The following PTPRQ variants were observed in gnomAD, a reference collection of about 807,000 sequenced individuals.
PTPRQ encodes the protein phosphatidylinositol phosphatase PTPRQ.
A neutral mutation model predicts 246.0 loss-of-function variants in PTPRQ; 199 were observed. The observed-to-expected ratio is 0.81, with a 90% confidence interval of 0.72 to 0.91. The LOEUF (loss-of-function observed/expected upper bound fraction) is 0.91. Ranked by LOEUF, PTPRQ falls within the 40% of genes least tolerant of loss-of-function variation. The probability of loss-of-function intolerance (pLI) is 0.00; values close to 1 mark genes in which losing one functional copy is unlikely to be tolerated. For missense variants in PTPRQ, 2,624 were observed against 2,528.4 expected (o/e 1.04, Z -0.81); for synonymous variants, 869 against 853.2 (o/e 1.02, Z -0.32).
chr12:80,479,872 G>C (rs61950945), intron 8 of PTPRQ, among the ~76,000 whole-genome samples: 1 of 151,964 alleles, frequency 6.6e-6, no homozygotes, highest in African/African-American at 2.4e-5. Flanking sequence ...GATTCATAAA[G>C]CAAGTCCTGA....
chr12:80,533,761 G>C (rs1895909819), intron 17 of PTPRQ, among the ~76,000 whole-genome samples: 1 of 151,960 alleles, frequency 6.6e-6, no homozygotes, highest in Non-Finnish European at 1.5e-5. Flanking sequence ...ATTGGTCCAA[G>C]CAAACTCTAA....
intron 43 of PTPRQ, 117 bp from the exon 44 acceptor site, chr12:80,678,485 T>G: frequency 8.0e-7 from 1 of 1,245,476 alleles, no homozygotes; most frequent in Non-Finnish European, 1.0e-6. Context: ...ATTCTGTGTC[T>G]GTAACTTAGC....
Position 80,652,816 on chromosome 12 carries a change from T to C in PTPRQ, c.6097T>C (p.Phe2033Leu), listed in dbSNP as rs1473833817. The change falls in exon 38 of 45, where the codon TTC (phenylalanine) becomes CTC (leucine). Residue 2033 changes from phenylalanine to leucine, a missense_variant. Coordinates refer to ENST00000644991, the MANE Select transcript of PTPRQ (RefSeq NM_001145026.2). ...DLPWNRAKNR[F>L]PNIKPYNNNR... ...GCCTTGGAATAGAGCAAAAAACCGC[T>C]TCCCAAACATAAAACCATGTATGTG... 2 of 1,506,838 alleles carry C rather than the reference T, an allele frequency of 1.3e-6. No individual in the cohort carries two copies. The highest frequency in any genetic ancestry group is 2.2e-5 in the Admixed American group (1 of 45,054). The allele number at this position is 1,506,838 out of a possible 1,614,324, so 93.3% of individuals were successfully genotyped here. A position where few individuals can be genotyped will look rare whatever the true frequency, so the allele number is the denominator to read the frequency against.
At position 80,627,766 on chromosome 12, in the gene PTPRQ, G is replaced by A. The variant is rs142730577; in HGVS notation, c.5687-4426G>A. Among the ~76,000 whole-genome samples, 8 of 152,148 alleles carry A rather than the reference G, an allele frequency of 5.3e-5. No individual in the cohort carries two copies. In the East Asian group the frequency reaches 1.5e-3, roughly 29 times the overall value. Reference sequence around the variant, plus strand: ...TTGCACCTACTACAAAAAGAAACATGTTTATATTTTTAAGTAAAAGAATTC... The same window carrying A: ...TTGCACCTACTACAAAAAGAAACATATTTATATTTTTAAGTAAAAGAATTC... On this transcript the variant is annotated intron_variant, in intron 33 of 44. Coordinates refer to ENST00000644991, the MANE Select transcript of PTPRQ (RefSeq NM_001145026.2).
intron 33 of PTPRQ, among the ~76,000 whole-genome samples, chr12:80,628,332 T>C (rs1899283159): frequency 6.6e-6 from 1 of 152,144 alleles, no homozygotes; most frequent in South Asian, 2.1e-4. Context: ...AAATCCACCA[T>C]GCAGGATAGC....
intron 25 of PTPRQ, among the ~76,000 whole-genome samples, chr12:80,557,971 G>C (rs1016349744): frequency 6.6e-6 from 1 of 151,846 alleles, no homozygotes; most frequent in African/African-American, 2.4e-5. Context: ...TATAAAGTAT[G>C]TAACCTTTTT....
chr12:80,505,416 T>A (rs1476136897), intron 14 of PTPRQ, among the ~76,000 whole-genome samples: 1 of 151,964 alleles, frequency 6.6e-6, no homozygotes, highest in Non-Finnish European at 1.5e-5. Context: ...TCCAATATTT[T>A]ACCGGAATTA....
chr12:80,587,175 T>A (rs2121014349), intron 25 of PTPRQ, among the ~76,000 whole-genome samples: 1 of 152,320 alleles, frequency 6.6e-6, no homozygotes, highest in East Asian at 1.9e-4. Context: ...CTCTTAGATA[T>A]TTATTGAATG....
At chr12:80,660,248 C>A (rs1900584122) in intron 39 of PTPRQ, among the ~76,000 whole-genome samples, 2 of 151,916 alleles carry the variant, frequency 1.3e-5, no homozygotes, top group Admixed American at 6.6e-5. Flanking sequence ...ACATGAAAAA[C>A]TGAAGTCTGG....
intron 26 of PTPRQ, among the ~76,000 whole-genome samples, chr12:80,596,638 G>A (rs1230848965): frequency 6.6e-6 from 1 of 152,006 alleles, no homozygotes; most frequent in Non-Finnish European, 1.5e-5. Context: ...AACAAGAAGT[G>A]TAAAGTAGGT....
At chr12:80,519,420 A>T (rs936199964) in intron 17 of PTPRQ, among the ~76,000 whole-genome samples, 1 of 152,178 alleles carries the variant, frequency 6.6e-6, no homozygotes, top group African/African-American at 2.4e-5. Flanking sequence ...TAAAAATCTC[A>T]CAATCTAAAA....
intron 29 of PTPRQ, 71 bp downstream of exon 29, chr12:80,613,907 T>C: frequency 7.1e-7 from 1 of 1,415,222 alleles, no homozygotes; most frequent in Non-Finnish European, 9.2e-7. Context: ...TTTAAAAATA[T>C]TGCAGTTTGT....
intron 9 of PTPRQ, among the ~76,000 whole-genome samples, chr12:80,490,770 T>C (rs1894422914): frequency 6.6e-6 from 1 of 151,914 alleles, no homozygotes; most frequent in Non-Finnish European, 1.5e-5. Context: ...CAATGGACTT[T>C]TTTCCCTCCT....
chr12:80,628,924 A>C (rs925723871), intron 33 of PTPRQ, among the ~76,000 whole-genome samples: 2 of 152,118 alleles, frequency 1.3e-5, no homozygotes, highest in Non-Finnish European at 2.9e-5. Flanking sequence ...CTGCCATCAC[A>C]AAATATCATA....
intron 17 of PTPRQ, 88 bp downstream of exon 17, chr12:80,510,531 G>T: frequency 7.8e-7 from 1 of 1,281,042 alleles, no homozygotes; most frequent in Non-Finnish European, 1.0e-6. Context: ...TCAGAATGTG[G>T]TGCTACATTA....
intron 2 of PTPRQ, 132 bp from the exon 3 acceptor site, chr12:80,445,359 C>A (rs575949786): frequency 2.2e-4 from 129 of 595,748 alleles, no homozygotes; most frequent in African/African-American, 2.0e-3. Context: ...AGTAACAGAG[C>A]TGTAGGGAGT....
At position 80,654,638 on chromosome 12, in the gene PTPRQ, A is replaced by G. The variant is rs1329880658; in HGVS notation, c.6115+1804A>G. Among the ~76,000 whole-genome samples, 3 of 151,586 alleles carry G rather than the reference A, an allele frequency of 2.0e-5. No homozygotes were observed. In the East Asian group the frequency reaches 5.9e-4, roughly 30 times the overall value. ...TGAGGCGGGCAGATCACTTGAGGTC[A>G]GAAGTTCAAGACTAGCCTGGCAAAT... On this transcript the variant is annotated intron_variant, in intron 38 of 44. Coordinates refer to ENST00000644991, the MANE Select transcript of PTPRQ (RefSeq NM_001145026.2).
chr12:80,545,890 G>A (rs1378328714), intron 23 of PTPRQ, among the ~76,000 whole-genome samples: 1 of 151,420 alleles, frequency 6.6e-6, no homozygotes, highest in Non-Finnish European at 1.5e-5. Context: ...ATTTAGATGA[G>A]TTCAGAAAAC....
At chr12:80,454,755 T>G (rs1018265752) in intron 3 of PTPRQ, among the ~76,000 whole-genome samples, 7 of 152,070 alleles carry the variant, frequency 4.6e-5, no homozygotes, top group African/African-American at 1.7e-4. Context: ...GAGAAAAATA[T>G]TGAAAAAAAA....
Sources: allele counts gnomAD v4.1 joint callset (sites outside exome capture counted in the v4.1 genomes callset), GRCh38; gene constraint gnomAD v4.1.1; transcripts MANE v1.5; gene names NCBI Gene and HGNC (gene_info 2026-07-23, HGNC 2026-07-21).